Variants in SPOCK3 observed in about 807,000 individuals in gnomAD.
SPOCK3 encodes the protein SPARC (osteonectin), cwcv and kazal like domains proteoglycan 3.
In SPOCK3, 30 loss-of-function variants were observed where a neutral mutation model predicts 56.6. The observed-to-expected ratio is 0.53, with a 90% CI of 0.40 to 0.72. The LOEUF is 0.72. Ranked by LOEUF, SPOCK3 falls within the 30% of genes least tolerant of loss-of-function variation. The probability of loss-of-function intolerance (pLI) is 0.00; values close to 1 mark genes in which losing one functional copy is unlikely to be tolerated. For missense variants in SPOCK3, 527 were observed against 530.0 expected (o/e 0.99, Z 0.06); for synonymous variants, 196 against 183.3 (o/e 1.07, Z -0.56).
intron 6 of SPOCK3, among the ~76,000 whole-genome samples, chr4:166,855,969 G>A (rs1730605397): frequency 6.6e-6 from 1 of 152,122 alleles, no homozygotes; most frequent in Non-Finnish European, 1.5e-5. Flanking sequence ...CTATTGAAAA[G>A]GTTAAATGGA....
intron 7 of SPOCK3, among the ~76,000 whole-genome samples, chr4:166,769,497 C>G (rs928079404): frequency 2.6e-5 from 4 of 152,184 alleles, no homozygotes; most frequent in African/African-American, 9.7e-5. Context: ...GGCTGCAGAA[C>G]AGTGAATATT....
intron 4 of SPOCK3, among the ~76,000 whole-genome samples, chr4:166,947,217 A>G (rs1741878249): frequency 6.6e-6 from 1 of 152,180 alleles, no homozygotes; most frequent in Non-Finnish European, 1.5e-5. Context: ...TATTGCAATT[A>G]TATAGTCAAC....
At chr4:166,819,874 C>G (rs1464086015) in intron 6 of SPOCK3, among the ~76,000 whole-genome samples, 1 of 151,882 alleles carries the variant, frequency 6.6e-6, no homozygotes, top group Non-Finnish European at 1.5e-5. Context: ...CATGCACCAC[C>G]ATGCCCAGAT....
intron 4 of SPOCK3, among the ~76,000 whole-genome samples, chr4:166,944,891 A>G (rs1415241218): frequency 2.6e-5 from 4 of 152,056 alleles, no homozygotes; most frequent in Non-Finnish European, 5.9e-5. Flanking sequence ...TTCTCATCAA[A>G]TTTTCATTTT....
At chr4:166,970,734 A>C (rs1248708112) in intron 4 of SPOCK3, among the ~76,000 whole-genome samples, 1 of 125,526 alleles carries the variant, frequency 8.0e-6, no homozygotes, top group Non-Finnish European at 1.6e-5. Flanking sequence ...AAAAAGAAAA[A>C]GAAAAAAAAA....
intron 2 of SPOCK3, among the ~76,000 whole-genome samples, chr4:167,177,904 C>A (rs1731122810): frequency 6.6e-6 from 1 of 152,120 alleles, no homozygotes; most frequent in Admixed American, 6.6e-5. Flanking sequence ...TAAGACCTAG[C>A]TGTAAGATTT....
At chr4:166,899,300 A>AACTATCTG (rs1441055952) in intron 5 of SPOCK3, among the ~76,000 whole-genome samples, 2 of 150,786 alleles carry the variant, frequency 1.3e-5, no homozygotes, top group Non-Finnish European at 3.0e-5. Context: ...CTATCTATCT[A>AACTATCTG]TGTACCCTAT....
chr4:166,843,749 G>A (rs904981087), intron 6 of SPOCK3, among the ~76,000 whole-genome samples: 3 of 152,218 alleles, frequency 2.0e-5, no homozygotes, highest in South Asian at 2.1e-4. Flanking sequence ...CCACTAAGTC[G>A]TAATTTGTTA....
At chr4:167,139,785 G>A (rs1763387258) in intron 2 of SPOCK3, among the ~76,000 whole-genome samples, 2 of 151,920 alleles carry the variant, frequency 1.3e-5, no homozygotes, top group Non-Finnish European at 2.9e-5. Context: ...CTCCATTAGA[G>A]CTTATATCTT....
intron 3 of SPOCK3, among the ~76,000 whole-genome samples, chr4:167,057,258 G>A (rs1489937778): frequency 1.3e-5 from 2 of 152,098 alleles, no homozygotes; most frequent in East Asian, 3.9e-4. Flanking sequence ...TCACCACCAG[G>A]CCTGCCCTAA....
At chr4:166,826,715 G>A (rs1260913778) in intron 6 of SPOCK3, among the ~76,000 whole-genome samples, 1 of 151,988 alleles carries the variant, frequency 6.6e-6, no homozygotes, top group African/African-American at 2.4e-5. Flanking sequence ...ATATTTCTGG[G>A]AGCACAGTAC....
At chr4:166,937,079 G>A (rs1340452186) in intron 4 of SPOCK3, among the ~76,000 whole-genome samples, 3 of 151,988 alleles carry the variant, frequency 2.0e-5, no homozygotes, top group South Asian at 2.1e-4. Context: ...AGAACATAGT[G>A]TGAATAAATA....
chr4:166,767,365 T>C (rs1738236449), intron 7 of SPOCK3, among the ~76,000 whole-genome samples: 1 of 152,172 alleles, frequency 6.6e-6, no homozygotes, highest in Non-Finnish European at 1.5e-5. Flanking sequence ...TTTAAATGTG[T>C]CCCAGAGATT....
At chr4:167,118,467 A>G (rs1042609381) in intron 2 of SPOCK3, among the ~76,000 whole-genome samples, 3 of 152,200 alleles carry the variant, frequency 2.0e-5, no homozygotes, top group African/African-American at 7.2e-5. Flanking sequence ...ATCTTTTTAA[A>G]AGGCAGTGAC....
At chr4:166,739,780 G>C (rs1472013082) in intron 9 of SPOCK3, among the ~76,000 whole-genome samples, 1 of 150,608 alleles carries the variant, frequency 6.6e-6, no homozygotes, top group Non-Finnish European at 1.5e-5. Context: ...ATGGATAAAA[G>C]ACAAAACTTA....
chr4:167,156,031 C>G (rs1310713599), intron 2 of SPOCK3, among the ~76,000 whole-genome samples: 3 of 151,906 alleles, frequency 2.0e-5, no homozygotes, highest in Non-Finnish European at 4.4e-5. Flanking sequence ...GTTCTAGCAG[C>G]CACATAGAAA....
intron 2 of SPOCK3, among the ~76,000 whole-genome samples, chr4:167,105,127 G>GA (rs879844741): frequency 7.1e-4 from 106 of 149,784 alleles, no homozygotes; most frequent in African/African-American, 1.8e-3. Context: ...CAGTCAGAAG[G>GA]AAAAAAAAAT....
chr4:166,872,425 A>G (rs1218122440), intron 6 of SPOCK3, among the ~76,000 whole-genome samples: 2 of 152,140 alleles, frequency 1.3e-5, no homozygotes, highest in African/African-American at 4.8e-5. Flanking sequence ...GAAACTCAAG[A>G]CGGAAAAACA....
intron 6 of SPOCK3, among the ~76,000 whole-genome samples, chr4:166,885,235 A>G (rs918550314): frequency 6.7e-6 from 1 of 150,290 alleles, no homozygotes; most frequent in African/African-American, 2.5e-5. Context: ...TTCTTCATCT[A>G]GTATCCTTGC....
Sources: gnomAD v4.1 joint callset for allele counts (sites outside exome capture counted in the v4.1 genomes callset) on GRCh38, gnomAD v4.1.1 for gene constraint, MANE v1.5 for transcripts, NCBI Gene and HGNC (gene_info 2026-07-23, HGNC 2026-07-21) for gene names.